Variants in KCNH1 observed in about 807,000 individuals in gnomAD.
The protein encoded by KCNH1 is potassium voltage-gated channel subfamily H member 1, also known as voltage-gated delayed rectifier potassium channel KCNH1.
A neutral mutation model predicts 69.2 loss-of-function variants in KCNH1; 27 were observed. That is an observed-to-expected ratio of 0.39 (90% CI 0.29 to 0.54). KCNH1 has a LOEUF of 0.54. Ranked by LOEUF, KCNH1 falls within the 20% of genes least tolerant of loss-of-function variation. The probability of loss-of-function intolerance (pLI) is 0.68; values close to 1 mark genes in which losing one functional copy is unlikely to be tolerated. For synonymous variants in KCNH1, 456 were observed against 487.7 expected, an observed-to-expected ratio of 0.93 and a Z score of 0.86; for missense variants, 798 against 1,261.6, an observed-to-expected ratio of 0.63 and a Z score of 5.57.
intron 10 of KCNH1, among the ~76,000 whole-genome samples, chr1:210,737,829 T>C (rs1238368977): frequency 6.6e-6 from 1 of 152,240 alleles, no homozygotes; most frequent in Non-Finnish European, 1.5e-5. Context: ...TAAGTCACCA[T>C]TGTTTCTTAA....
At chr1:210,754,265 A>G (rs887880321) in intron 10 of KCNH1, among the ~76,000 whole-genome samples, 1 of 152,140 alleles carries the variant, frequency 6.6e-6, no homozygotes, top group Admixed American at 6.5e-5. Flanking sequence ...ATACTTCCCA[A>G]GCCAAGTAGA....
At position 210,683,975 on chromosome 1, in the gene KCNH1, C is replaced by T. The variant is rs141905481; in HGVS notation, c.2276G>A (p.Arg759Gln). The T allele has an allele frequency of 3.9e-5, 63 of 1,600,712 alleles. No homozygotes were observed. The African/African-American group carries it at 6.9e-4, about 18-fold the overall frequency. The change falls in exon 11 of 11, where the codon CGG becomes CAG. Residue 759 changes from arginine to glutamine, a missense_variant. Transcript: ENST00000271751. This position sits in a 1 kb window ranked among gnomAD's most constrained non-coding sequence, Gnocchi z 5.7. Reference protein sequence around the residue: ...EARLAAERGGRDLDDLDVEKG... With the variant: ...EARLAAERGGQDLDDLDVEKG... ...CTCCACATCTAGGTCATCCAGGTCC[C>T]GGCCCCCTCTCTCAGCTGCCAGCCT...
At chr1:210,738,552 C>CTTTTTTTGTTTTTTTTTTTT (rs1682937655) in intron 10 of KCNH1, among the ~76,000 whole-genome samples, 1 of 49,152 alleles carries the variant, frequency 2.0e-5, no homozygotes, top group African/African-American at 6.7e-5. Context: ...GGCTTTTTTG[C>CTTTTTTTGTTTTTTTTTTTT]TTTTTTTTTT....
chr1:210,906,411 G>C (rs924570), intron 7 of KCNH1, among the ~76,000 whole-genome samples: 39 of 151,842 alleles, frequency 2.6e-4, no homozygotes, highest in African/African-American at 9.2e-4. Flanking sequence ...CAGATATCAC[G>C]GTTCAACACC....
intron 6 of KCNH1, among the ~76,000 whole-genome samples, chr1:210,984,639 G>A (rs1264284075): frequency 1.3e-5 from 2 of 151,994 alleles, no homozygotes; most frequent in Non-Finnish European, 2.9e-5. Context: ...TGATCATGGT[G>A]GCTAAGCATG....
At chr1:211,115,117 T>G (rs1052946167) in intron 1 of KCNH1, among the ~76,000 whole-genome samples, 1 of 152,014 alleles carries the variant, frequency 6.6e-6, no homozygotes, top group Non-Finnish European at 1.5e-5. Context: ...GCCTCCTGAG[T>G]AGCTAGGACT....
At chr1:210,817,091 C>A (rs1684832489) in intron 7 of KCNH1, among the ~76,000 whole-genome samples, 1 of 152,142 alleles carries the variant, frequency 6.6e-6, no homozygotes, top group African/African-American at 2.4e-5. Flanking sequence ...GAATTGGAAT[C>A]CTTTAGTTGC....
chr1:211,080,184 A>T (rs1199590142), intron 5 of KCNH1, among the ~76,000 whole-genome samples: 1 of 152,206 alleles, frequency 6.6e-6, no homozygotes, highest in African/African-American at 2.4e-5. Context: ...ATAGACAAAC[A>T]GAGAGCCAAA....
At chr1:211,003,547 A>G (rs1689227033) in intron 6 of KCNH1, among the ~76,000 whole-genome samples, 2 of 152,106 alleles carry the variant, frequency 1.3e-5, no homozygotes, top group Non-Finnish European at 2.9e-5. Flanking sequence ...GTTTCGTTAT[A>G]TCTTACCCAA....
intron 7 of KCNH1, among the ~76,000 whole-genome samples, chr1:210,893,331 T>C (rs1686790293): frequency 1.3e-5 from 2 of 152,172 alleles, no homozygotes; most frequent in Admixed American, 6.5e-5. Context: ...TGGTGCTCTA[T>C]TGTTTTCTAC....
At chr1:210,715,517 C>CAA (rs71821345) in intron 10 of KCNH1, among the ~76,000 whole-genome samples, 277 of 129,736 alleles carry the variant, frequency 2.1e-3, no homozygotes, top group South Asian at 0.012. Flanking sequence ...AAAAATTAAA[C>CAA]AAAAAAAAAA....
intron 10 of KCNH1, among the ~76,000 whole-genome samples, chr1:210,704,823 T>C (rs1681868017): frequency 6.6e-6 from 1 of 152,236 alleles, no homozygotes; most frequent in Admixed American, 6.5e-5. Context: ...ACTGGCTCAC[T>C]CTTTCACACA....
chr1:211,016,456 C>T (rs1352937693), intron 6 of KCNH1, among the ~76,000 whole-genome samples: 1 of 152,110 alleles, frequency 6.6e-6, no homozygotes, highest in Non-Finnish European at 1.5e-5. Flanking sequence ...AACCAGTGTG[C>T]TTCTTAAGCT....
At chr1:210,890,529 C>A (rs988283685) in intron 7 of KCNH1, among the ~76,000 whole-genome samples, 2 of 152,002 alleles carry the variant, frequency 1.3e-5, no homozygotes, top group Non-Finnish European at 2.9e-5. Context: ...GCAACAAAAG[C>A]CAAAATTGAC....
At chr1:210,840,996 T>C (rs1165710411) in intron 7 of KCNH1, among the ~76,000 whole-genome samples, 1 of 152,070 alleles carries the variant, frequency 6.6e-6, no homozygotes, top group East Asian at 1.9e-4. Flanking sequence ...CCCACAAATG[T>C]GGGCCAGTAG....
chr1:210,690,500 C>A (rs1440920635), intron 10 of KCNH1, among the ~76,000 whole-genome samples: 1 of 152,156 alleles, frequency 6.6e-6, no homozygotes, highest in Non-Finnish European at 1.5e-5. Flanking sequence ...GTCACCCTGC[C>A]TGGTTTTATG....
At position 211,127,947 on chromosome 1, in the gene KCNH1, G is replaced by A. The variant is rs547922598; in HGVS notation, c.79+5920C>T. On this transcript the variant is annotated intron_variant, in intron 1 of 10. Transcript: ENST00000271751. ...GGAAACAATCCATCAGTGGCAGATC[G>A]GACACAATGTGTGGTACAGTCATAC... is the stretch of plus-strand genomic sequence containing the variant. 4.6e-5 allele frequency among the ~76,000 whole-genome samples: 7 copies of A among 152,224 alleles called. No homozygotes were observed. In the South Asian group the frequency reaches 1.5e-3, roughly 32 times the overall value.
chr1:210,728,640 C>T (rs1195086975), intron 10 of KCNH1, among the ~76,000 whole-genome samples: 1 of 152,220 alleles, frequency 6.6e-6, no homozygotes, highest in Admixed American at 6.5e-5. Context: ...AGCACACACA[C>T]ACGTGCTTAC....
chr1:211,117,195 G>A (rs1358206453), intron 1 of KCNH1, among the ~76,000 whole-genome samples: 1 of 152,202 alleles, frequency 6.6e-6, no homozygotes, highest in African/African-American at 2.4e-5. Context: ...ATGTGGAGAA[G>A]ACCAGACACT....
Sources: allele counts gnomAD v4.1 joint callset (sites outside exome capture counted in the v4.1 genomes callset), GRCh38; gene constraint gnomAD v4.1.1; non-coding constraint Gnocchi (gnomAD v3.1); transcripts MANE v1.5; gene names NCBI Gene and HGNC (gene_info 2026-07-23, HGNC 2026-07-21).